The following STXBP5 variants were observed in gnomAD, a reference collection of about 807,000 sequenced individuals.
STXBP5 encodes syntaxin binding protein 5.
STXBP5 carries 50 observed loss-of-function variants against 152.4 expected under a neutral mutation model. That is an observed-to-expected ratio of 0.33 (90% CI 0.26 to 0.42). The LOEUF (loss-of-function observed/expected upper bound fraction) is 0.42. Ranked by LOEUF, STXBP5 falls within the 10% of genes least tolerant of loss-of-function variation. The pLI is 1.00. For missense variants in STXBP5, 1,167 were observed against 1,388.6 expected (o/e 0.84, Z 2.54); for synonymous variants, 492 against 494.7 (o/e 0.99, Z 0.07).
intron 2 of STXBP5, among the ~76,000 whole-genome samples, chr6:147,226,189 G>C (rs778424634): frequency 5.9e-5 from 9 of 151,940 alleles, no homozygotes; most frequent in Non-Finnish European, 1.0e-4. Flanking sequence ...TGTAGTCCCA[G>C]CTGCTCTGGA....
At chr6:147,256,327 G>T (rs143768229) in intron 4 of STXBP5, among the ~76,000 whole-genome samples, 1 of 148,388 alleles carries the variant, frequency 6.7e-6, no homozygotes, top group East Asian at 2.0e-4. Context: ...CCAATTAGTA[G>T]AAATGTAATA....
chr6:147,245,476 G>A (rs561059213), intron 4 of STXBP5, among the ~76,000 whole-genome samples: 4 of 152,146 alleles, frequency 2.6e-5, no homozygotes, highest in Non-Finnish European at 5.9e-5. Context: ...CAAATTTGCC[G>A]ATAGTAGTAG....
chr6:147,224,721 G>A (rs2115108305), intron 2 of STXBP5, among the ~76,000 whole-genome samples: 1 of 152,194 alleles, frequency 6.6e-6, no homozygotes, highest in South Asian at 2.1e-4. Flanking sequence ...CCCCATAACA[G>A]TGTGGATGAA....
chr6:147,315,814 T>C, intron 15 of STXBP5, 79 bp downstream of exon 15: 4 of 1,361,192 alleles, frequency 2.9e-6, no homozygotes, highest in Non-Finnish European at 4.1e-6. Flanking sequence ...TGGAAGACTT[T>C]TTGCAGTCAG....
At chr6:147,205,371 CATATATATATATATATAT>C (rs66619063) in intron 1 of STXBP5, among the ~76,000 whole-genome samples, 2 of 141,918 alleles carry the variant, frequency 1.4e-5, no homozygotes, top group African/African-American at 2.6e-5. Flanking sequence ...TAAAAGTGTG[CATATATATATATATATAT>C]ATATATATAG....
intron 11 of STXBP5, 100 bp downstream of exon 11, chr6:147,311,627 A>T: frequency 1.2e-6 from 1 of 860,354 alleles, no homozygotes; most frequent in Admixed American, 2.9e-5. Context: ...AAAACTCTAC[A>T]TTTATATCCA....
At chr6:147,358,538 A>G (rs1784912219) in intron 22 of STXBP5, among the ~76,000 whole-genome samples, 1 of 152,178 alleles carries the variant, frequency 6.6e-6, no homozygotes, top group African/African-American at 2.4e-5. Context: ...ATTGTACTTG[A>G]CCTTTAAACA....
chr6:147,235,400 T>C, intron 3 of STXBP5, 69 bp downstream of exon 3: 1 of 1,200,070 alleles, frequency 8.3e-7, no homozygotes, highest in Non-Finnish European at 1.2e-6. Context: ...TTCAGATTTC[T>C]TACATGCATT....
intron 19 of STXBP5, 38 bp from the exon 20 acceptor site, chr6:147,339,141 C>A: frequency 6.7e-7 from 1 of 1,488,892 alleles, no homozygotes; most frequent in South Asian, 1.3e-5. Context: ...TTATGACTGA[C>A]CATCTACCTA....
intron 25 of STXBP5, among the ~76,000 whole-genome samples, 173 bp downstream of exon 25, chr6:147,364,339 G>T (rs938338483): frequency 1.3e-5 from 2 of 152,288 alleles, no homozygotes; most frequent in Non-Finnish European, 2.9e-5. Flanking sequence ...ATGATTAAAA[G>T]TATCATCTTC....
rs1312662320 is a variant in STXBP5, at chr6:147,364,051, A to G, written c.2966A>G (p.Asn989Ser). The change falls in exon 25 of 28, where the codon AAT becomes AGT. Residue 989 changes from asparagine (N) to serine (S), a missense_variant. Physicochemically the swap from Asn to Ser is conservative, Grantham distance 46 (BLOSUM62 1). Around this residue, in one of 3 missense-constraint regions of STXBP5, gnomAD observed 833 missense variants for 986.3 expected, o/e 0.84. Transcript: ENST00000321680. ...LLDVYYLPLTNMRIARTFCFT... is the reference protein window; with the variant it reads ...LLDVYYLPLTSMRIARTFCFT... ...GATGTGTATTACTTGCCCCTTACCA[A>G]TATGCGGATAGCCAGAACGTTCTGC... is the stretch of plus-strand genomic sequence containing the variant. 3 of 1,614,004 alleles carry G rather than the reference A, an allele frequency of 1.9e-6. No homozygotes were observed. The highest frequency in any genetic ancestry group is 1.7e-6 in the Non-Finnish European group (2 of 1,179,990).
At chr6:147,261,675 G>A (rs1348486862) in intron 5 of STXBP5, among the ~76,000 whole-genome samples, 1 of 151,858 alleles carries the variant, frequency 6.6e-6, no homozygotes, top group African/African-American at 2.4e-5. Flanking sequence ...TCTTTGAATT[G>A]ATCATGACAT....
intron 2 of STXBP5, among the ~76,000 whole-genome samples, chr6:147,221,804 G>A (rs1268101610): frequency 2.0e-5 from 3 of 150,506 alleles, no homozygotes; most frequent in Non-Finnish European, 4.4e-5. Flanking sequence ...TTTGTGGTTG[G>A]TATCCGACAT....
At chr6:147,306,948 G>A (rs1175530232) in intron 9 of STXBP5, among the ~76,000 whole-genome samples, 2 of 152,198 alleles carry the variant, frequency 1.3e-5, no homozygotes, top group Admixed American at 1.3e-4. Flanking sequence ...AGACATAGGA[G>A]CACTGCTTTA....
At chr6:147,349,422 C>T (rs773206201) in intron 21 of STXBP5, among the ~76,000 whole-genome samples, 5 of 152,092 alleles carry the variant, frequency 3.3e-5, no homozygotes, top group African/African-American at 4.8e-5. Flanking sequence ...GTTTGAGTTA[C>T]AGAGGTGTAT....
intron 22 of STXBP5, among the ~76,000 whole-genome samples, chr6:147,355,773 TGGCACA>T (rs199696181): frequency 0.019 from 2,877 of 152,268 alleles, 75 homozygotes; most frequent in African/African-American, 0.065. Flanking sequence ...TATTAGTGCC[TGGCACA>T]TGGTAGGCCT....
intron 17 of STXBP5, among the ~76,000 whole-genome samples, chr6:147,326,033 C>T (rs1335073777): frequency 6.6e-6 from 1 of 152,052 alleles, no homozygotes; most frequent in Non-Finnish European, 1.5e-5. Context: ...AAATTTTATG[C>T]CATTTTGTAT....
At chr6:147,210,313 T>C (rs770584029) in intron 2 of STXBP5, among the ~76,000 whole-genome samples, 12 of 152,184 alleles carry the variant, frequency 7.9e-5, no homozygotes, top group African/African-American at 2.9e-4. Flanking sequence ...TCTTTAACTT[T>C]TATTGTATTA....
chr6:147,237,196 A>G (rs1778319934), intron 3 of STXBP5, among the ~76,000 whole-genome samples: 1 of 152,118 alleles, frequency 6.6e-6, no homozygotes, highest in Non-Finnish European at 1.5e-5. Context: ...AATTTATGCT[A>G]TTTTTATTCA....
Sources: gnomAD v4.1 joint callset for allele counts (sites outside exome capture counted in the v4.1 genomes callset) on GRCh38, gnomAD v4.1.1 for gene constraint, gnomAD v4.1.1 regional missense constraint, MANE v1.5 for transcripts, NCBI Gene and HGNC (gene_info 2026-07-23, HGNC 2026-07-21) for gene names.